PPM1L: variants seen among roughly 807,000 people sequenced by gnomAD.
PPM1L encodes the protein protein phosphatase 1L.
Under a neutral mutation model 31.4 loss-of-function variants are expected in PPM1L, and 13 were observed. That is an observed-to-expected ratio of 0.41 (90% CI 0.27 to 0.66). PPM1L has a LOEUF of 0.66. Among genes scored for constraint, PPM1L ranks in the 30% least tolerant of loss-of-function variants. The pLI is 0.29. For missense variants in PPM1L, 326 were observed against 453.7 expected, an observed-to-expected ratio of 0.72 and a Z score of 2.56; for synonymous variants, 184 against 175.4, an observed-to-expected ratio of 1.05 and a Z score of -0.39.
intron 2 of PPM1L, among the ~76,000 whole-genome samples, chr3:161,007,046 C>T (rs1224971872): frequency 5.3e-5 from 8 of 152,028 alleles, no homozygotes; most frequent in African/African-American, 9.7e-5. Flanking sequence ...TCTTACCATC[C>T]CAGTCATTCA....
rs1720128176 is a variant in PPM1L at position 161,077,133 on chromosome 3, ATTG to A, written c.*7979_*7981del. The A allele has an allele frequency of 6.6e-6, 1 of 152,306 alleles. No individual in the cohort carries two copies. The highest frequency in any genetic ancestry group is 2.1e-4 in the South Asian group (1 of 4,826). 9.4% of individuals were successfully genotyped at this position (152,306 alleles called of 1,614,324 possible). ...TCAATATTGACCCAATGGGATGAAA[ATTG>A]TTATCTTCATGATTTCTTCCAATGG... On this transcript the variant is annotated 3_prime_UTR_variant, in exon 4 of 4. Transcript: ENST00000498165.
chr3:160,981,732 TTTTATTTA>T lies in PPM1L; in HGVS notation c.574+19858_574+19865del, dbSNP rs571936460. ...CTACTATTATCACCTTTCCTTCTCA[TTTTATTTA>T]TTTATTTATTTATTTATTTATTTAT... is the stretch of plus-strand genomic sequence containing the variant. On this transcript the variant is annotated intron_variant, in intron 2 of 3. Coordinates refer to ENST00000498165, the MANE Select transcript of PPM1L (RefSeq NM_139245.4). 1.0e-2 allele frequency among the ~76,000 whole-genome samples: 1,392 copies of T among 139,886 alleles called. 22 individuals carry two copies. Among genetic ancestry groups the T allele is most frequent in the African/African-American group, 0.032 (1,211 of 37,594 alleles). The allele number at this position is 139,886 out of a possible 152,430, so 91.8% of individuals were successfully genotyped here. A position where few individuals can be genotyped will look rare whatever the true frequency, so the allele number is the denominator to read the frequency against.
At chr3:160,822,581 T>C (rs1010318224) in intron 1 of PPM1L, among the ~76,000 whole-genome samples, 3 of 152,140 alleles carry the variant, frequency 2.0e-5, no homozygotes, top group African/African-American at 7.2e-5. Context: ...TGCATATTTA[T>C]TTTTTGTAGA....
intron 1 of PPM1L, among the ~76,000 whole-genome samples, chr3:160,918,227 A>G (rs987632243): frequency 6.6e-6 from 1 of 152,238 alleles, no homozygotes; most frequent in African/African-American, 2.4e-5. Context: ...TTGAGGGCAA[A>G]AGCTTGTCTT....
At chr3:160,953,132 T>C (rs1715626594) in intron 1 of PPM1L, among the ~76,000 whole-genome samples, 1 of 152,206 alleles carries the variant, frequency 6.6e-6, no homozygotes, top group African/African-American at 2.4e-5. Context: ...TTCAGTTACT[T>C]GGAAATTGGG....
At chr3:160,845,495 T>C (rs1334184722) in intron 1 of PPM1L, among the ~76,000 whole-genome samples, 1 of 152,032 alleles carries the variant, frequency 6.6e-6, no homozygotes, top group Non-Finnish European at 1.5e-5. Context: ...TTAGATTCCA[T>C]TGAAGCTCAA....
rs1711916876 is a variant in PPM1L at position 160,862,184 on chromosome 3, A to G, written c.400-99552A>G. On this transcript the variant is annotated intron_variant, in intron 1 of 3. Coordinates refer to ENST00000498165, the MANE Select transcript of PPM1L (RefSeq NM_139245.4). Reference sequence around the variant, plus strand: ...ATTAGCTGCTGTTAGTATTTCACTCACTCCCAAAATTACTTTTAGTATTTT... The same window carrying G: ...ATTAGCTGCTGTTAGTATTTCACTCGCTCCCAAAATTACTTTTAGTATTTT... Among the ~76,000 whole-genome samples, 2 of 152,082 alleles carry G rather than the reference A, an allele frequency of 1.3e-5. 1 individual carries two copies. Among genetic ancestry groups the G allele is most frequent in the African/African-American group, 4.8e-5 (2 of 41,402 alleles).
intron 1 of PPM1L, among the ~76,000 whole-genome samples, chr3:160,854,361 G>C (rs1347403338): frequency 6.6e-6 from 1 of 152,150 alleles, no homozygotes; most frequent in Non-Finnish European, 1.5e-5. Flanking sequence ...AAAGATGGTG[G>C]AATGTATAAG....
chr3:160,876,117 G>T (rs1031444085), intron 1 of PPM1L, among the ~76,000 whole-genome samples: 2 of 152,114 alleles, frequency 1.3e-5, no homozygotes, highest in Admixed American at 1.3e-4. Flanking sequence ...CCTTAAATCT[G>T]CTTTTTGTAG....
intron 1 of PPM1L, among the ~76,000 whole-genome samples, chr3:160,863,382 A>T (rs1711973128): frequency 6.6e-6 from 1 of 152,132 alleles, no homozygotes. Flanking sequence ...TGCTAAGTTC[A>T]CTTTTTCCTG....
intron 2 of PPM1L, among the ~76,000 whole-genome samples, chr3:161,014,001 TG>T (rs1717985865): frequency 1.3e-5 from 2 of 152,220 alleles, no homozygotes; most frequent in African/African-American, 4.8e-5. Flanking sequence ...GTCTTTTAAT[TG>T]GAGCATTTAG....
At chr3:160,982,432 C>G (rs1716830426) in intron 2 of PPM1L, among the ~76,000 whole-genome samples, 1 of 152,170 alleles carries the variant, frequency 6.6e-6, no homozygotes, top group Non-Finnish European at 1.5e-5. Context: ...TCCTTTATCA[C>G]TCCCTCCTCC....
chr3:160,776,604 CT>C (rs72051944), intron 1 of PPM1L, among the ~76,000 whole-genome samples: 52,899 of 132,600 alleles, frequency 0.4, 9,687 homozygotes, highest in East Asian at 0.56. Flanking sequence ...ACCTTGGTGC[CT>C]TTTTTTTTTT....
chr3:160,920,586 T>TTCTCTCTCTCTCTCTCTC (rs3063236), intron 1 of PPM1L, among the ~76,000 whole-genome samples: 2 of 120,376 alleles, frequency 1.7e-5, no homozygotes, highest in African/African-American at 6.9e-5. Context: ...TGCATTTAGT[T>TTCTCTCTCTCTCTCTCTC]TCTCTCTCTC....
At chr3:160,936,891 G>A (rs1465816066) in intron 1 of PPM1L, among the ~76,000 whole-genome samples, 2 of 152,134 alleles carry the variant, frequency 1.3e-5, no homozygotes, top group African/African-American at 4.8e-5. Context: ...AATTCTAAAA[G>A]TAGAATGAAT....
At chr3:161,015,451 G>A (rs1718055233) in intron 2 of PPM1L, among the ~76,000 whole-genome samples, 3 of 152,180 alleles carry the variant, frequency 2.0e-5, no homozygotes, top group Admixed American at 2.0e-4. Flanking sequence ...TGACTGAGTT[G>A]ATCAGAATAT....
At chr3:161,000,054 T>C (rs1342370916) in intron 2 of PPM1L, among the ~76,000 whole-genome samples, 1 of 152,176 alleles carries the variant, frequency 6.6e-6, no homozygotes, top group African/African-American at 2.4e-5. Flanking sequence ...ATCCAGCACA[T>C]AATAGATGTT....
intron 1 of PPM1L, among the ~76,000 whole-genome samples, chr3:160,852,636 T>G (rs574715464): frequency 1.3e-5 from 2 of 152,336 alleles, no homozygotes; most frequent in East Asian, 3.9e-4. Context: ...ATGAAGTTAA[T>G]TTAACTCATT....
At chr3:160,767,124 A>G (rs1210705804) in intron 1 of PPM1L, among the ~76,000 whole-genome samples, 1 of 152,232 alleles carries the variant, frequency 6.6e-6, no homozygotes, top group Non-Finnish European at 1.5e-5. Context: ...CCGTAGCAGT[A>G]GGCTGTATTT....
Sources: gnomAD v4.1 joint callset for allele counts (sites outside exome capture counted in the v4.1 genomes callset) on GRCh38, gnomAD v4.1.1 for gene constraint, MANE v1.5 for transcripts, NCBI Gene and HGNC (gene_info 2026-07-23, HGNC 2026-07-21) for gene names.